FSTL1: variants seen among roughly 807,000 people sequenced by gnomAD.
FSTL1 encodes follistatin-related protein 1.
FSTL1 carries 24 observed loss-of-function variants against 45.9 expected under a neutral mutation model. The observed-to-expected ratio is 0.52, with a 90% confidence interval of 0.38 to 0.74. The LOEUF (loss-of-function observed/expected upper bound fraction) is 0.74. Among genes scored for constraint, FSTL1 ranks in the 30% least tolerant of loss-of-function variants. The pLI is 0.00. For synonymous variants in FSTL1, 120 were observed against 137.6 expected (o/e 0.87, Z 0.89); for missense variants, 340 against 381.8 (o/e 0.89, Z 0.91).
rs957653921 is a variant in FSTL1, at chr3:120,434,462, C to G, written c.63+16222G>C. Among the ~76,000 whole-genome samples the G allele has an allele frequency of 2.2e-4, 33 of 152,164 alleles. 1 individual carries two copies. The highest frequency in any genetic ancestry group is 2.9e-5 in the Non-Finnish European group (2 of 68,042). On this transcript the variant is annotated intron_variant, in intron 2 of 10. Transcript: ENST00000295633. ...GTGAGTTCAGCAAGGCCACTAAGAC[C>G]TGGGGTCACATATAAATAGATCCTG...
At chr3:120,397,902 G>A (rs184901178) in intron 10 of FSTL1, among the ~76,000 whole-genome samples, 5 of 152,244 alleles carry the variant, frequency 3.3e-5, no homozygotes, top group Admixed American at 1.3e-4. Flanking sequence ...TGGTATATTC[G>A]TATCATGGAA....
chr3:120,441,632 G>A (rs1937628544), intron 2 of FSTL1, among the ~76,000 whole-genome samples: 1 of 152,140 alleles, frequency 6.6e-6, no homozygotes, highest in Non-Finnish European at 1.5e-5. Flanking sequence ...ACATATACAC[G>A]TGCGTGAATG....
intron 2 of FSTL1, among the ~76,000 whole-genome samples, chr3:120,424,469 C>T (rs997070682): frequency 6.6e-6 from 1 of 152,074 alleles, no homozygotes; most frequent in African/African-American, 2.4e-5. Context: ...GGGACTTGAG[C>T]CGAGCTCTTA....
chr3:120,422,650 A>T (rs374220995), intron 2 of FSTL1, among the ~76,000 whole-genome samples: 50 of 152,246 alleles, frequency 3.3e-4, no homozygotes, highest in African/African-American at 1.2e-3. Flanking sequence ...CCTGACGAAG[A>T]TTAGCTTTAA....
In FSTL1 at chr3:120,450,671, G is replaced by A. The variant is rs1192307811; in HGVS notation, c.63+13C>T. ...CCGGGGACCGAGTTCGGACTCCTCG[G>A]CCCCTCGCCTACCTCGGCGCGGACC... On this transcript the variant is annotated intron_variant, in intron 2 of 10. Coordinates refer to ENST00000295633, the MANE Select transcript of FSTL1 (RefSeq NM_007085.5). 1.6e-5 allele frequency: 23 copies of A among 1,405,112 alleles called. No homozygotes were observed. The highest frequency in any genetic ancestry group is 2.4e-5 in the South Asian group (2 of 82,298). 87.0% of individuals were successfully genotyped at this position (1,405,112 alleles called of 1,614,324 possible).
At chr3:120,410,529 A>G in intron 5 of FSTL1, 3 of 334,068 alleles carry the variant, frequency 9.0e-6, no homozygotes, top group Non-Finnish European at 1.8e-5. Context: ...GTAACTATAA[A>G]TCATGATAAA....
In FSTL1 at chr3:120,396,873, A is replaced by T. The variant is rs1936712087; in HGVS notation, c.*79T>A. The T allele has an allele frequency of 2.1e-6, 2 of 973,746 alleles. No homozygotes were observed. Among genetic ancestry groups the T allele is most frequent in the Admixed American group, 3.6e-5 (2 of 55,200 alleles). 60.3% of individuals were successfully genotyped at this position (973,746 alleles called of 1,614,324 possible). A position where few individuals can be genotyped will look rare whatever the true frequency, so the allele number is the denominator to read the frequency against. ...CAAATACTGGTGATTTGGCGACTGT[A>T]GCAGACACTTGTGTATACTGAACTC... On this transcript the variant is annotated 3_prime_UTR_variant, in exon 11 of 11. Transcript: ENST00000295633.
chr3:120,446,626 C>A (rs138794613), intron 2 of FSTL1, among the ~76,000 whole-genome samples: 1 of 152,180 alleles, frequency 6.6e-6, no homozygotes. Flanking sequence ...GTTAATAATA[C>A]AAGTTGTGGC....
intron 2 of FSTL1, among the ~76,000 whole-genome samples, chr3:120,442,811 G>GAAT (rs1937652564): frequency 2.7e-5 from 3 of 113,010 alleles, no homozygotes; most frequent in African/African-American, 1.3e-4. Context: ...AAAAAAAAAA[G>GAAT]CAGACTTGGA....
At position 120,443,752 on chromosome 3, in the gene FSTL1, T is replaced by C. The variant is rs866598721; in HGVS notation, c.63+6932A>G. On this transcript the variant is annotated intron_variant, in intron 2 of 10. Transcript: ENST00000295633. Reference sequence around the variant, plus strand: ...TGTCCAGGATTATTCAAGGGACATATGGGGGTCATACATTCAGACTAATCC... The same window carrying C: ...TGTCCAGGATTATTCAAGGGACATACGGGGGTCATACATTCAGACTAATCC... 3.3e-5 allele frequency among the ~76,000 whole-genome samples: 5 copies of C among 149,842 alleles called. 1 individual carries two copies. Among genetic ancestry groups the C allele is most frequent in the African/African-American group, 1.0e-4 (4 of 39,204 alleles).
chr3:120,403,295 CTGAGT>C lies in FSTL1; in HGVS notation c.636_640del (p.Ser214ProfsTer15). On this transcript the variant is annotated frameshift_variant, in exon 8 of 11. Coordinates refer to ENST00000295633, the MANE Select transcript of FSTL1 (RefSeq NM_007085.5). LOFTEE classifies it high-confidence loss of function. ...GAGGCACTTGAGAAACTCTTGGAAG[CTGAGT>C]TTCCAATCAGCATTTTCATCAGACA... The C allele has an allele frequency of 6.2e-7, 1 of 1,613,066 alleles. No individual in the cohort carries two copies. The highest frequency in any genetic ancestry group is 1.3e-5 in the African/African-American group (1 of 75,026).
rs552645430 is a variant in FSTL1, at chr3:120,393,777, G to C, written c.*3175C>G. ...AGGTGAGGCTCTTGGGAGATGATTA[G>C]GTCATCAAAGTTTAACCCTCATGAA... On this transcript the variant is annotated 3_prime_UTR_variant, in exon 11 of 11. Transcript: ENST00000295633. 2.0e-5 allele frequency: 3 copies of C among 152,238 alleles called. No homozygotes were observed. Among genetic ancestry groups the C allele is most frequent in the Admixed American group, 6.5e-5 (1 of 15,286 alleles). 9.4% of individuals were successfully genotyped at this position (152,238 alleles called of 1,614,324 possible). A position where few individuals can be genotyped will look rare whatever the true frequency, so the allele number is the denominator to read the frequency against.
intron 2 of FSTL1, among the ~76,000 whole-genome samples, chr3:120,444,512 T>C (rs996388482): frequency 6.0e-5 from 9 of 149,680 alleles, no homozygotes; most frequent in Admixed American, 3.9e-4. Flanking sequence ...CCCCACCTTT[T>C]TCTCCTTAAG....
At chr3:120,426,725 A>G (rs1165613324) in intron 2 of FSTL1, among the ~76,000 whole-genome samples, 1 of 152,142 alleles carries the variant, frequency 6.6e-6, no homozygotes, top group Non-Finnish European at 1.5e-5. Flanking sequence ...CCTGGCACTG[A>G]GTTGGATGCC....
intron 2 of FSTL1, among the ~76,000 whole-genome samples, chr3:120,424,578 C>A (rs771070707): frequency 6.6e-6 from 1 of 151,882 alleles, no homozygotes; most frequent in Non-Finnish European, 1.5e-5. Flanking sequence ...ATGGGTAAGG[C>A]GGAATTGGGG....
At chr3:120,446,881 T>G (rs1333370299) in intron 2 of FSTL1, among the ~76,000 whole-genome samples, 1 of 152,190 alleles carries the variant, frequency 6.6e-6, no homozygotes, top group Non-Finnish European at 1.5e-5. Flanking sequence ...CTCTCTTAGG[T>G]AATACACTCA....
chr3:120,435,610 A>C (rs1270413566), intron 2 of FSTL1, among the ~76,000 whole-genome samples: 1 of 152,210 alleles, frequency 6.6e-6, no homozygotes, highest in East Asian at 1.9e-4. Flanking sequence ...CTAGAGCCTC[A>C]GCTATCTATC....
In FSTL1 at chr3:120,409,420, T is replaced by C. The variant is rs928266742; in HGVS notation, c.462+112A>G. 7.5e-6 allele frequency: 7 copies of C among 938,846 alleles called. No homozygotes were observed. In the African/African-American group the frequency reaches 1.1e-4, roughly 15 times the overall value. The allele number at this position is 938,846 out of a possible 1,614,324, so 58.2% of individuals were successfully genotyped here. A position where few individuals can be genotyped will look rare whatever the true frequency, so the allele number is the denominator to read the frequency against. On this transcript the variant is annotated intron_variant, in intron 6 of 10. Transcript: ENST00000295633. ...TGATCTATGATGAGGAAACTCAGGG[T>C]GTCTGTGCAGGTTTACATTTCCTGT...
intron 2 of FSTL1, among the ~76,000 whole-genome samples, chr3:120,427,841 T>A (rs1937407773): frequency 6.6e-6 from 1 of 152,120 alleles, no homozygotes; most frequent in African/African-American, 2.4e-5. Context: ...AATGTGGGAA[T>A]GTGGGGTATC....
Sources: gnomAD v4.1 joint callset for allele counts (sites outside exome capture counted in the v4.1 genomes callset) on GRCh38, gnomAD v4.1.1 for gene constraint, MANE v1.5 for transcripts, NCBI Gene and HGNC (gene_info 2026-07-23, HGNC 2026-07-21) for gene names.